MED13L: variants seen among roughly 807,000 people sequenced by gnomAD.
The protein encoded by MED13L is mediator of RNA polymerase II transcription subunit 13-like.
Under a neutral mutation model 220.9 loss-of-function variants are expected in MED13L, and 7 were observed. That is an observed-to-expected ratio of 0.03 (90% confidence interval 0.02 to 0.06). The LOEUF (loss-of-function observed/expected upper bound fraction) is 0.06. Ranked by LOEUF, MED13L falls within the 10% of genes least tolerant of loss-of-function variation. MED13L has a pLI of 1.00. For missense variants in MED13L, 1,965 were observed against 2,760.5 expected, an observed-to-expected ratio of 0.71 and a Z score of 6.46; for synonymous variants, 1,011 against 1,015.2, an observed-to-expected ratio of 1.00 and a Z score of 0.08.
At chr12:115,986,740 A>C (rs1276631199) in intron 18 of MED13L, among the ~76,000 whole-genome samples, 7 of 152,222 alleles carry the variant, frequency 4.6e-5, no homozygotes, top group Non-Finnish European at 1.5e-5. Context: ...AGTTAAAATT[A>C]ACTTTCCAAG....
intron 1 of MED13L, chr12:116,276,675 G>A (rs996373571): frequency 1.7e-6 from 2 of 1,191,606 alleles, no homozygotes; most frequent in Admixed American, 3.8e-5. Context: ...GCCGATCGGA[G>A]GCGCGGCAGC....
In MED13L at chr12:116,170,597, C is replaced by CT. The variant is rs925140792; in HGVS notation, c.311-59086dup. On this transcript the variant is annotated intron_variant, in intron 2 of 30. Coordinates refer to ENST00000281928, the MANE Select transcript of MED13L (RefSeq NM_015335.5). ...AATTTCACACAAGTAATCATTTTTA[C>CT]TTTTTTTTTTGTTTTTTTTTTTTTT... is the stretch of plus-strand genomic sequence containing the variant. 3.9e-3 allele frequency among the ~76,000 whole-genome samples: 535 copies of CT among 136,980 alleles called. 3 individuals carry two copies. Among genetic ancestry groups the CT allele is most frequent in the African/African-American group, 9.3e-3 (341 of 36,720 alleles). 89.9% of individuals were successfully genotyped at this position (136,980 alleles called of 152,430 possible). A position where few individuals can be genotyped will look rare whatever the true frequency, so the allele number is the denominator to read the frequency against.
At chr12:116,120,467 T>TCACACACACA (rs1565886949) in intron 2 of MED13L, among the ~76,000 whole-genome samples, 8 of 136,832 alleles carry the variant, frequency 5.8e-5, no homozygotes, top group South Asian at 2.4e-4. Context: ...TCTCTCTCTC[T>TCACACACACA]CTCTCTCTCT....
chr12:116,052,519 A>G (rs1007789108), intron 4 of MED13L, among the ~76,000 whole-genome samples: 2 of 152,246 alleles, frequency 1.3e-5, no homozygotes, highest in African/African-American at 2.4e-5. Context: ...ACCCATTGAG[A>G]AAAATGTCTT....
intron 5 of MED13L, among the ~76,000 whole-genome samples, chr12:116,021,265 C>T (rs2137441475): frequency 6.6e-6 from 1 of 152,104 alleles, no homozygotes; most frequent in South Asian, 2.1e-4. Flanking sequence ...ATTATTGTTC[C>T]CAACATTGAA....
intron 1 of MED13L, among the ~76,000 whole-genome samples, chr12:116,263,149 G>A (rs1872619153): frequency 6.6e-6 from 1 of 151,980 alleles, no homozygotes. Context: ...AATTTTTGAA[G>A]TACCTTTTCT....
intron 1 of MED13L, among the ~76,000 whole-genome samples, chr12:116,252,882 C>T (rs1871682803): frequency 6.6e-6 from 1 of 151,916 alleles, no homozygotes; most frequent in African/African-American, 2.4e-5. Flanking sequence ...ATTTTTGTGC[C>T]AATAAATAAA....
rs778582638 is a variant in MED13L, at chr12:116,015,128, G to C, written c.1156C>G (p.Leu386Val). ...ACTTACTTGGACTGGGTTCTGTTGA[G>C]GATGCATTCCTTCCAGACTCGATGG... ...MVHRVWKECILNRTQSKRSQM... is the reference protein window; with the variant it reads ...MVHRVWKECIVNRTQSKRSQM... Residue 386 changes from leucine to valine, a missense_variant, in exon 8 of 31, where the codon CTC becomes GTC. Around this residue, in one of 10 missense-constraint regions of MED13L, gnomAD observed 818 missense variants for 1,041.2 expected, o/e 0.79. Coordinates refer to ENST00000281928, the MANE Select transcript of MED13L (RefSeq NM_015335.5). 1 of 1,613,630 alleles carries C rather than the reference G, an allele frequency of 6.2e-7. No homozygotes were observed.
chr12:116,040,628 T>C (rs144036723), intron 4 of MED13L, among the ~76,000 whole-genome samples: 1 of 152,314 alleles, frequency 6.6e-6, no homozygotes, highest in Middle Eastern at 3.4e-3. Flanking sequence ...CAGACGGACT[T>C]ATTTCCTGAT....
intron 9 of MED13L, among the ~76,000 whole-genome samples, chr12:116,012,148 G>A (rs958028587): frequency 6.6e-6 from 1 of 152,176 alleles, no homozygotes; most frequent in African/African-American, 2.4e-5. Context: ...TGAGCTGGGG[G>A]TTAAGACTTA....
intron 2 of MED13L, among the ~76,000 whole-genome samples, chr12:116,204,496 G>A (rs145619370): frequency 9.3e-4 from 142 of 152,338 alleles, no homozygotes; most frequent in Non-Finnish European, 1.1e-3. Context: ...ATTTTTCAGC[G>A]TAGATGGATG....
rs992267810 is a variant in MED13L, at chr12:116,277,554, G to A, written c.-423C>T. 2.0e-5 allele frequency among the ~76,000 whole-genome samples: 3 copies of A among 149,308 alleles called. No homozygotes were observed. Among genetic ancestry groups the A allele is most frequent in the African/African-American group, 7.3e-5 (3 of 41,134 alleles). On this transcript the variant is annotated 5_prime_UTR_variant, in exon 1 of 31. Coordinates refer to ENST00000281928, the MANE Select transcript of MED13L (RefSeq NM_015335.5). ...CGCCGCGGAGCGCGAACTCGCGAAG[G>A]GGGGGGTGCGGACGAAGCCAGCGGG...
chr12:116,232,459 T>C (rs926035108), intron 2 of MED13L, among the ~76,000 whole-genome samples: 4 of 152,232 alleles, frequency 2.6e-5, no homozygotes, highest in African/African-American at 7.2e-5. Flanking sequence ...AGAAATAATA[T>C]GCTTTATTTT....
intron 2 of MED13L, among the ~76,000 whole-genome samples, chr12:116,112,391 T>A (rs1211651883): frequency 6.6e-6 from 1 of 152,158 alleles, no homozygotes; most frequent in African/African-American, 2.4e-5. Context: ...TCTGACAGAA[T>A]TAAAACACAC....
intron 1 of MED13L, 166 bp downstream of exon 1, chr12:116,276,894 G>C (rs1002069541): frequency 4.2e-5 from 41 of 977,274 alleles, no homozygotes; most frequent in Non-Finnish European, 2.3e-5. Flanking sequence ...TCCAAGGCGA[G>C]AGAGAGACGA....
At position 115,989,087 on chromosome 12, in the gene MED13L, T is replaced by A. The variant is rs376560555; in HGVS notation, c.3935-1799A>T. ...GTCAGAAAATACCCATCACTCCCCA[T>A]ACTCTACTGACCTCTGGACATACTT... On this transcript the variant is annotated intron_variant, in intron 17 of 30. Coordinates refer to ENST00000281928, the MANE Select transcript of MED13L (RefSeq NM_015335.5). 1.8e-4 allele frequency among the ~76,000 whole-genome samples: 28 copies of A among 152,290 alleles called. No homozygotes were observed. The East Asian group carries it at 5.2e-3, about 28-fold the overall frequency.
chr12:116,244,271 T>C (rs1364750567), intron 1 of MED13L, among the ~76,000 whole-genome samples: 1 of 152,182 alleles, frequency 6.6e-6, no homozygotes, highest in Non-Finnish European at 1.5e-5. Flanking sequence ...TCACATGTAA[T>C]AGAAAACTTC....
chr12:116,003,611 CAGA>C (rs1241685617), intron 13 of MED13L, among the ~76,000 whole-genome samples: 2 of 151,250 alleles, frequency 1.3e-5, no homozygotes, highest in Admixed American at 6.6e-5. Context: ...TTGAAATATT[CAGA>C]AGGTTTTTCT....
At chr12:115,972,367 T>C (rs1265517301) in intron 25 of MED13L, 131 bp from the exon 26 acceptor site, 2 of 999,340 alleles carry the variant, frequency 2.0e-6, no homozygotes, top group South Asian at 1.3e-5. Flanking sequence ...TGGCTTTACA[T>C]ATGTTCCCCT....
Sources: gnomAD v4.1 joint callset for allele counts (sites outside exome capture counted in the v4.1 genomes callset) on GRCh38, gnomAD v4.1.1 for gene constraint, gnomAD v4.1.1 regional missense constraint, MANE v1.5 for transcripts, NCBI Gene and HGNC (gene_info 2026-07-23, HGNC 2026-07-21) for gene names.